SCN3A: variants seen among roughly 807,000 people sequenced by gnomAD.
SCN3A encodes sodium voltage-gated channel alpha subunit 3, also known as sodium channel protein type 3 subunit alpha.
SCN3A carries 60 observed loss-of-function variants against 187.6 expected under a neutral mutation model. The ratio of observed to expected loss-of-function variants is 0.32; its 90% CI spans 0.26 to 0.40. The LOEUF is 0.40. SCN3A is among the 10% of genes least tolerant of loss of function. The pLI is 1.00. For missense variants in SCN3A, 1,601 were observed against 2,428.2 expected (o/e 0.66, Z 7.16); for synonymous variants, 788 against 829.2 (o/e 0.95, Z 0.85).
intron 15 of SCN3A, 118 bp downstream of exon 15, chr2:165,137,761 T>C: frequency 7.5e-6 from 6 of 803,982 alleles, no homozygotes; most frequent in Non-Finnish European, 1.3e-5. Context: ...TAGATATTTC[T>C]TTCTATGAGG....
rs750155523 is a variant in SCN3A at position 165,175,742 on chromosome 2, C to T, written c.264+389G>A. 2.0e-4 allele frequency among the ~76,000 whole-genome samples: 31 copies of T among 152,074 alleles called. 1 individual carries two copies. Among genetic ancestry groups the T allele is most frequent in the Non-Finnish European group, 3.4e-4 (23 of 68,012 alleles). ...TATTGTGAAGGTACATCAAGTCAGT[C>T]ATGAACTAAAAAATAATTAAGTACA... is the stretch of plus-strand genomic sequence containing the variant. On this transcript the variant is annotated intron_variant, in intron 3 of 27. Coordinates refer to ENST00000283254, the MANE Select transcript of SCN3A (RefSeq NM_006922.4).
chr2:165,178,385 C>T (rs1391306905), intron 2 of SCN3A, among the ~76,000 whole-genome samples: 1 of 152,036 alleles, frequency 6.6e-6, no homozygotes, highest in Non-Finnish European at 1.5e-5. Context: ...CTCCACCATG[C>T]CTGGATCATT....
intron 12 of SCN3A, among the ~76,000 whole-genome samples, chr2:165,144,257 G>T (rs62174903): frequency 0.12 from 17,560 of 152,106 alleles, 1,362 homozygotes; most frequent in Middle Eastern, 0.17. Flanking sequence ...TGTTAGTTTT[G>T]TTAATGCTCT....
intron 6 of SCN3A, among the ~76,000 whole-genome samples, 186 bp downstream of exon 6, chr2:165,164,206 A>G (rs1428359695): frequency 6.6e-6 from 1 of 152,200 alleles, no homozygotes. Context: ...AACCCCATTT[A>G]TTGATCATTT....
intron 1 of SCN3A, among the ~76,000 whole-genome samples, chr2:165,190,265 T>C (rs1691505094): frequency 6.6e-6 from 1 of 152,210 alleles, no homozygotes; most frequent in Admixed American, 6.5e-5. Flanking sequence ...ATTCTCCTTG[T>C]AGTAACTTCG....
chr2:165,188,427 C>T (rs930917701), intron 1 of SCN3A, among the ~76,000 whole-genome samples: 3 of 152,102 alleles, frequency 2.0e-5, no homozygotes, highest in Admixed American at 6.6e-5. Flanking sequence ...TTAAAAGCAG[C>T]CCTGGCTTAC....
chr2:165,107,285 A>C (rs1223656148), intron 21 of SCN3A, among the ~76,000 whole-genome samples: 1 of 152,178 alleles, frequency 6.6e-6, no homozygotes, highest in African/African-American at 2.4e-5. Flanking sequence ...TTATCTTTTT[A>C]AACCTTGCCT....
intron 12 of SCN3A, 142 bp from the exon 13 acceptor site, chr2:165,141,140 AG>A (rs1687987883): frequency 3.2e-6 from 2 of 616,460 alleles, no homozygotes. Context: ...AAATTTATAG[AG>A]GACACATATA....
chr2:165,168,753 G>A lies in SCN3A; in HGVS notation c.456C>T (p.Asp152=). The change falls in exon 5 of 28, where the codon GAC becomes GAT. Residue 152 remains aspartate, a synonymous_variant. Transcript: ENST00000283254. ...CTACTTACTCTACATTCTTTGTCCA[G>A]TCAGGAGGGTTGCTCAAGGTCATAA... ...CVFMTLSNPP[D]WTKNVEYTFT... 1.2e-6 allele frequency: 2 copies of A among 1,610,090 alleles called. No homozygotes were observed. Among genetic ancestry groups the A allele is most frequent in the Non-Finnish European group, 8.5e-7 (1 of 1,176,596 alleles).
chr2:165,164,606 T>C (rs1689621208), intron 5 of SCN3A, 86 bp from the exon 6 acceptor site: 5 of 1,465,446 alleles, frequency 3.4e-6, no homozygotes, highest in Non-Finnish European at 2.8e-6. Context: ...CCTATCCTTT[T>C]GTGGTTTTTC....
intron 1 of SCN3A, among the ~76,000 whole-genome samples, chr2:165,188,804 CAAAA>C (rs763003775): frequency 2.6e-4 from 19 of 72,564 alleles, no homozygotes; most frequent in Non-Finnish European, 4.1e-4. Flanking sequence ...CGCCCCACTT[CAAAA>C]AAAAAAAAAA....
intron 21 of SCN3A, among the ~76,000 whole-genome samples, chr2:165,112,594 ATTAC>A (rs1462867862): frequency 6.6e-6 from 1 of 152,148 alleles, no homozygotes; most frequent in Non-Finnish European, 1.5e-5. Context: ...CAATTAACAT[ATTAC>A]TTATCTATTA....
chr2:165,115,512 C>T lies in SCN3A; in HGVS notation c.3457G>A (p.Glu1153Lys). The change falls in exon 19 of 28, where the codon GAA (glutamate) becomes AAA (lysine). Residue 1153 changes from glutamate (E) to lysine (K), a missense_variant. Coordinates refer to ENST00000283254, the MANE Select transcript of SCN3A (RefSeq NM_006922.4). The stretch of plus-strand genomic sequence containing the variant: ...TCTTCGGGTTCAGTTTCAGCTTGTT[C>T]ACCTTCTCGGGGTAGAACAACATCA... ...TVDVVLPREG[E>K]QAETEPEEDL... 1.2e-6 allele frequency: 2 copies of T among 1,613,818 alleles called. No individual in the cohort carries two copies. Among genetic ancestry groups the T allele is most frequent in the African/African-American group, 1.3e-5 (1 of 74,942 alleles).
chr2:165,124,695 C>A (rs1686885956), intron 18 of SCN3A, among the ~76,000 whole-genome samples: 1 of 152,030 alleles, frequency 6.6e-6, no homozygotes, highest in Non-Finnish European at 1.5e-5. Context: ...CTGGGTAGCC[C>A]TTTTTAAAGA....
intron 14 of SCN3A, among the ~76,000 whole-genome samples, chr2:165,138,383 A>G (rs1687797859): frequency 6.6e-6 from 1 of 152,170 alleles, no homozygotes; most frequent in Non-Finnish European, 1.5e-5. Flanking sequence ...CTAGGTTATG[A>G]TTGATTAAAG....
chr2:165,170,057 A>C (rs1690011779), intron 4 of SCN3A, among the ~76,000 whole-genome samples: 1 of 151,924 alleles, frequency 6.6e-6, no homozygotes, highest in African/African-American at 2.4e-5. Flanking sequence ...ATACAGAAAC[A>C]ATTAAGGCGT....
At chr2:165,118,061 G>GT (rs1686457998) in intron 18 of SCN3A, among the ~76,000 whole-genome samples, 1 of 152,104 alleles carries the variant, frequency 6.6e-6, no homozygotes, top group Admixed American at 6.5e-5. Context: ...TACACATATG[G>GT]ACCTCTGGTT....
At chr2:165,123,242 T>G (rs1263759273) in intron 18 of SCN3A, among the ~76,000 whole-genome samples, 3 of 152,162 alleles carry the variant, frequency 2.0e-5, no homozygotes, top group Non-Finnish European at 4.4e-5. Context: ...ATGCAAAAGT[T>G]TATATTTGCT....
intron 1 of SCN3A, among the ~76,000 whole-genome samples, chr2:165,196,529 A>T (rs1451057065): frequency 6.6e-6 from 1 of 152,088 alleles, no homozygotes; most frequent in Non-Finnish European, 1.5e-5. Flanking sequence ...CCTGTAGAGG[A>T]TTGCCCTCTA....
Sources: allele counts gnomAD v4.1 joint callset (sites outside exome capture counted in the v4.1 genomes callset), GRCh38; gene constraint gnomAD v4.1.1; transcripts MANE v1.5; gene names NCBI Gene and HGNC (gene_info 2026-07-23, HGNC 2026-07-21).